Variants in ROBO1 observed in about 807,000 individuals in gnomAD.
ROBO1 encodes the protein roundabout guidance receptor 1, also known as roundabout homolog 1.
Under a neutral mutation model 195.9 loss-of-function variants are expected in ROBO1, and 149 were observed. That is an observed-to-expected ratio of 0.76 (90% CI 0.67 to 0.87). The LOEUF is 0.87. ROBO1 is among the 40% of genes least tolerant of loss of function. ROBO1 has a pLI of 0.00. For synonymous variants in ROBO1, 816 were observed against 733.2 expected (o/e 1.11, Z -1.82); for missense variants, 1,933 against 2,068.3 (o/e 0.93, Z 1.27).
At chr3:79,325,919 T>G (rs996785241) in intron 2 of ROBO1, among the ~76,000 whole-genome samples, 1 of 152,152 alleles carries the variant, frequency 6.6e-6, no homozygotes, top group Admixed American at 6.5e-5. Flanking sequence ...GGGAGAAATA[T>G]CGCTGAATTC....
At chr3:79,072,782 T>A (rs1305838915) in intron 3 of ROBO1, among the ~76,000 whole-genome samples, 1 of 151,990 alleles carries the variant, frequency 6.6e-6, no homozygotes, top group Non-Finnish European at 1.5e-5. Flanking sequence ...CTTAACTGAA[T>A]TATATTGCTC....
At chr3:78,979,867 T>C (rs1247967733) in intron 3 of ROBO1, among the ~76,000 whole-genome samples, 1 of 151,918 alleles carries the variant, frequency 6.6e-6, no homozygotes, top group African/African-American at 2.4e-5. Context: ...CTCACACCCT[T>C]CCTAGTCATT....
chr3:78,942,450 G>C (rs1002248488), intron 3 of ROBO1, among the ~76,000 whole-genome samples: 1 of 152,114 alleles, frequency 6.6e-6, no homozygotes, highest in African/African-American at 2.4e-5. Flanking sequence ...CAAATACACA[G>C]GATGGAGGAC....
chr3:78,719,909 A>G (rs908546844), intron 5 of ROBO1, among the ~76,000 whole-genome samples: 6 of 152,114 alleles, frequency 3.9e-5, no homozygotes, highest in African/African-American at 1.4e-4. Context: ...ACTTAAGGCT[A>G]TTGGTTTATA....
At chr3:79,102,111 A>C (rs953254609) in intron 3 of ROBO1, among the ~76,000 whole-genome samples, 1 of 151,810 alleles carries the variant, frequency 6.6e-6, no homozygotes, top group Non-Finnish European at 1.5e-5. Context: ...ATAAAAGTGC[A>C]CATAAAATAT....
chr3:79,591,309 A>G (rs1490057125), intron 1 of ROBO1, among the ~76,000 whole-genome samples: 2 of 151,816 alleles, frequency 1.3e-5, no homozygotes, highest in Non-Finnish European at 2.9e-5. Context: ...TGTCTATTTG[A>G]GTTGAGCTGT....
chr3:79,150,804 C>G (rs970908751), intron 2 of ROBO1, among the ~76,000 whole-genome samples: 1 of 151,760 alleles, frequency 6.6e-6, no homozygotes, highest in Admixed American at 6.6e-5. Flanking sequence ...GACTTCCATG[C>G]CCACCACCAA....
At chr3:78,707,430 G>A (rs1192511154) in intron 8 of ROBO1, among the ~76,000 whole-genome samples, 1 of 152,144 alleles carries the variant, frequency 6.6e-6, no homozygotes, top group Non-Finnish European at 1.5e-5. Flanking sequence ...GGAAGCATCA[G>A]ACAAAAATAA....
chr3:79,280,931 G>C (rs1456715367), intron 2 of ROBO1, among the ~76,000 whole-genome samples: 2 of 152,146 alleles, frequency 1.3e-5, no homozygotes, highest in Non-Finnish European at 2.9e-5. Context: ...TATGCGACCT[G>C]GTTCCTAACA....
chr3:78,631,434 T>C, intron 24 of ROBO1, 129 bp from the exon 25 acceptor site: 1 of 1,036,312 alleles, frequency 9.6e-7, no homozygotes, highest in East Asian at 2.6e-5. Flanking sequence ...AACATGCTTT[T>C]TCATTAATTT....
At chr3:79,514,820 A>G (rs549248767) in intron 2 of ROBO1, among the ~76,000 whole-genome samples, 1 of 152,348 alleles carries the variant, frequency 6.6e-6, no homozygotes, top group East Asian at 1.9e-4. Context: ...CTTAAGTATT[A>G]TGAACTACTC....
At chr3:79,110,138 C>T (rs1452319714) in intron 3 of ROBO1, among the ~76,000 whole-genome samples, 1 of 151,996 alleles carries the variant, frequency 6.6e-6, no homozygotes, top group East Asian at 1.9e-4. Context: ...ACCTACTTTG[C>T]CAAGCTGCTG....
intron 1 of ROBO1, among the ~76,000 whole-genome samples, chr3:79,663,627 T>A (rs1452222359): frequency 6.6e-6 from 1 of 151,992 alleles, no homozygotes; most frequent in Non-Finnish European, 1.5e-5. Context: ...AGGTTATAGG[T>A]GCATGTTGCC....
At chr3:79,350,518 GA>G (rs2109262655) in intron 2 of ROBO1, among the ~76,000 whole-genome samples, 1 of 152,224 alleles carries the variant, frequency 6.6e-6, no homozygotes, top group African/African-American at 2.4e-5. Flanking sequence ...TCATAATAGA[GA>G]AAAGGTAGAA....
intron 3 of ROBO1, among the ~76,000 whole-genome samples, chr3:78,993,066 C>T (rs747127513): frequency 6.6e-6 from 1 of 152,114 alleles, no homozygotes; most frequent in Non-Finnish European, 1.5e-5. Flanking sequence ...CTCATAATCC[C>T]ACCATTTATA....
chr3:79,588,274 ATAAAAAGG>A (rs1943891945), intron 2 of ROBO1, among the ~76,000 whole-genome samples: 1 of 151,746 alleles, frequency 6.6e-6, no homozygotes, highest in African/African-American at 2.4e-5. Context: ...ATCCTTTTGA[ATAAAAAGG>A]TAACATTTTT....
chr3:79,044,907 G>GA (rs2078561382), intron 3 of ROBO1, among the ~76,000 whole-genome samples: 2 of 151,316 alleles, frequency 1.3e-5, no homozygotes, highest in Admixed American at 6.6e-5. Context: ...TTTTTTGTTT[G>GA]AAAATTGAGA....
intron 2 of ROBO1, among the ~76,000 whole-genome samples, chr3:79,163,960 G>C (rs943634570): frequency 2.6e-5 from 4 of 152,090 alleles, no homozygotes; most frequent in Non-Finnish European, 5.9e-5. Context: ...TAATGACATT[G>C]ATGATTATAT....
At chr3:78,653,038 C>T (rs527774483) in intron 18 of ROBO1, among the ~76,000 whole-genome samples, 1 of 151,986 alleles carries the variant, frequency 6.6e-6, no homozygotes, top group South Asian at 2.1e-4. Context: ...AGGTGTTGGC[C>T]CATTTCATTA....
Sources: gnomAD v4.1 joint callset for allele counts (sites outside exome capture counted in the v4.1 genomes callset) on GRCh38, gnomAD v4.1.1 for gene constraint, MANE v1.5 for transcripts, NCBI Gene and HGNC (gene_info 2026-07-23, HGNC 2026-07-21) for gene names.